Variants in UBE2E2 observed in about 807,000 individuals in gnomAD.
UBE2E2 encodes the protein ubiquitin conjugating enzyme E2 E2.
A neutral mutation model predicts 24.7 loss-of-function variants in UBE2E2; 6 were observed. The observed-to-expected ratio is 0.24, with a 90% CI of 0.13 to 0.48. UBE2E2 has a LOEUF of 0.48. Among genes scored for constraint, UBE2E2 ranks in the 20% least tolerant of loss-of-function variants. UBE2E2 has a pLI of 0.99. For synonymous variants in UBE2E2, 104 were observed against 83.6 expected, an observed-to-expected ratio of 1.24 and a Z score of -1.33; for missense variants, 169 against 245.0, an observed-to-expected ratio of 0.69 and a Z score of 2.07.
intron 5 of UBE2E2, among the ~76,000 whole-genome samples, chr3:23,557,527 A>G (rs1695819813): frequency 6.6e-6 from 1 of 152,080 alleles, no homozygotes; most frequent in South Asian, 2.1e-4. Flanking sequence ...GTTTAGATAC[A>G]CCAGTTCACT....
intron 4 of UBE2E2, among the ~76,000 whole-genome samples, chr3:23,500,086 G>T (rs1444295829): frequency 6.6e-6 from 1 of 152,140 alleles, no homozygotes; most frequent in Non-Finnish European, 1.5e-5. Flanking sequence ...ATCAGACGTA[G>T]CCTGGAGCCA....
chr3:23,476,017 T>C (rs1302186635), intron 3 of UBE2E2, among the ~76,000 whole-genome samples: 1 of 152,090 alleles, frequency 6.6e-6, no homozygotes, highest in Non-Finnish European at 1.5e-5. Context: ...GTCACTTTTG[T>C]CTAAGCATCT....
intron 3 of UBE2E2, among the ~76,000 whole-genome samples, chr3:23,419,995 A>G (rs1358067068): frequency 2.0e-5 from 3 of 152,218 alleles, no homozygotes; most frequent in Admixed American, 2.0e-4. Flanking sequence ...TGGGCTGCTA[A>G]GACTAGGCAT....
In UBE2E2 at chr3:23,284,362, T is replaced by A. The variant is rs551656372; in HGVS notation, c.227+67050T>A. 5.9e-5 allele frequency among the ~76,000 whole-genome samples: 9 copies of A among 152,218 alleles called. No homozygotes were observed. In the South Asian group the frequency reaches 1.9e-3, roughly 32 times the overall value. ...TGGCCTTATTTGAGCTCATAAAATATTTGGACAGTTATCATGAGAGTTTGC... is the reference window on the plus strand; with the variant it reads ...TGGCCTTATTTGAGCTCATAAAATAATTGGACAGTTATCATGAGAGTTTGC... On this transcript the variant is annotated intron_variant, in intron 3 of 5. Transcript: ENST00000396703.
chr3:23,535,274 T>C (rs1190071754), intron 5 of UBE2E2, among the ~76,000 whole-genome samples: 1 of 152,240 alleles, frequency 6.6e-6, no homozygotes, highest in African/African-American at 2.4e-5. Flanking sequence ...TAAATGGTAA[T>C]GTGTTGTTGA....
intron 3 of UBE2E2, among the ~76,000 whole-genome samples, chr3:23,440,428 A>G (rs545402190): frequency 8.5e-5 from 13 of 152,364 alleles, no homozygotes; most frequent in East Asian, 1.9e-4. Context: ...CTTTATATAG[A>G]TATCTAATAA....
intron 3 of UBE2E2, among the ~76,000 whole-genome samples, chr3:23,258,350 A>G (rs1377291827): frequency 2.6e-5 from 4 of 152,216 alleles, no homozygotes; most frequent in Non-Finnish European, 4.4e-5. Context: ...AATAGTTTTG[A>G]TGGAAGTCAT....
intron 3 of UBE2E2, among the ~76,000 whole-genome samples, chr3:23,238,673 A>G (rs1232104101): frequency 2.0e-5 from 3 of 152,214 alleles, no homozygotes; most frequent in African/African-American, 7.2e-5. Context: ...GCATATTCAT[A>G]ATGAGCGATC....
intron 3 of UBE2E2, among the ~76,000 whole-genome samples, chr3:23,239,819 A>G (rs977095389): frequency 2.0e-5 from 3 of 152,188 alleles, no homozygotes; most frequent in Non-Finnish European, 2.9e-5. Flanking sequence ...TTGGACTTTG[A>G]GTAGAAAGGA....
chr3:23,327,489 T>C (rs745960946), intron 3 of UBE2E2, among the ~76,000 whole-genome samples: 2 of 152,246 alleles, frequency 1.3e-5, no homozygotes, highest in Non-Finnish European at 2.9e-5. Flanking sequence ...CACCATCATC[T>C]ACTCTATTTT....
At chr3:23,218,058 T>G (rs1270666852) in intron 3 of UBE2E2, among the ~76,000 whole-genome samples, 1 of 152,146 alleles carries the variant, frequency 6.6e-6, no homozygotes, top group African/African-American at 2.4e-5. Flanking sequence ...CAGGCCAACC[T>G]GGAGTTTTTC....
intron 5 of UBE2E2, among the ~76,000 whole-genome samples, chr3:23,568,305 T>TG (rs1008550411): frequency 2.0e-5 from 3 of 152,080 alleles, no homozygotes; most frequent in Non-Finnish European, 4.4e-5. Context: ...GAAAAGACTT[T>TG]GGGGGGTGGA....
intron 5 of UBE2E2, among the ~76,000 whole-genome samples, chr3:23,560,821 TGATG>T (rs1383973637): frequency 1.3e-5 from 2 of 152,040 alleles, no homozygotes; most frequent in African/African-American, 4.8e-5. Context: ...TGGCCAGTGA[TGATG>T]AGCATTTTTT....
chr3:23,358,643 T>G (rs1209575226), intron 3 of UBE2E2, among the ~76,000 whole-genome samples: 1 of 152,228 alleles, frequency 6.6e-6, no homozygotes, highest in Middle Eastern at 3.2e-3. Flanking sequence ...TATTATATGG[T>G]TAAAACAATC....
At chr3:23,404,749 T>C (rs1203990610) in intron 3 of UBE2E2, among the ~76,000 whole-genome samples, 3 of 152,226 alleles carry the variant, frequency 2.0e-5, no homozygotes, top group African/African-American at 4.8e-5. Flanking sequence ...TCGCTAACTG[T>C]AGCGTTTAAA....
intron 3 of UBE2E2, among the ~76,000 whole-genome samples, chr3:23,381,487 T>C (rs901595625): frequency 6.6e-6 from 1 of 152,170 alleles, no homozygotes. Context: ...TTAATTTGTT[T>C]AGGAAAAAGC....
rs779786059 is a variant in UBE2E2, at chr3:23,474,436, C to T, written c.228-25172C>T. Among the ~76,000 whole-genome samples, 12 of 151,970 alleles carry T rather than the reference C, an allele frequency of 7.9e-5. No homozygotes were observed. Among genetic ancestry groups the T allele is most frequent in the Non-Finnish European group, 1.3e-4 (9 of 68,022 alleles). On this transcript the variant is annotated intron_variant, in intron 3 of 5. Transcript: ENST00000396703. This position sits in a 1 kb window ranked among gnomAD's most constrained non-coding sequence, Gnocchi z 4.0. ...ACAAAGTACTCTTTTCTGAAGGGAA[C>T]GTGCAGATTTCAGACACAAATACAC...
chr3:23,261,688 T>C (rs1216234072), intron 3 of UBE2E2, among the ~76,000 whole-genome samples: 1 of 152,214 alleles, frequency 6.6e-6, no homozygotes, highest in Non-Finnish European at 1.5e-5. Flanking sequence ...TCAACTGTTT[T>C]AGATTTCATT....
At chr3:23,416,485 T>G (rs1697636181) in intron 3 of UBE2E2, among the ~76,000 whole-genome samples, 1 of 152,168 alleles carries the variant, frequency 6.6e-6, no homozygotes, top group Non-Finnish European at 1.5e-5. Context: ...CCCTTAACAT[T>G]TTTTTCTTCA....
Sources: gnomAD v4.1 joint callset for allele counts (sites outside exome capture counted in the v4.1 genomes callset) on GRCh38, gnomAD v4.1.1 for gene constraint, Gnocchi (gnomAD v3.1) non-coding constraint, MANE v1.5 for transcripts, NCBI Gene and HGNC (gene_info 2026-07-23, HGNC 2026-07-21) for gene names.